NOS1: variants seen among roughly 807,000 people sequenced by gnomAD.
NOS1 encodes nitric oxide synthase 1, also known as NOS type I.
A neutral mutation model predicts 164.5 loss-of-function variants in NOS1; 51 were observed. The observed-to-expected ratio is 0.31, with a 90% CI of 0.25 to 0.39. The LOEUF is 0.39. Among genes scored for constraint, NOS1 ranks in the 10% least tolerant of loss-of-function variants. The pLI is 1.00. For missense variants in NOS1, 1,362 were observed against 1,885.6 expected (o/e 0.72, Z 5.14); for synonymous variants, 719 against 745.8 (o/e 0.96, Z 0.59).
At chr12:117,341,291 A>G (rs1876101123) in intron 1 of NOS1, among the ~76,000 whole-genome samples, 1 of 152,074 alleles carries the variant, frequency 6.6e-6, no homozygotes, top group Admixed American at 6.5e-5. Flanking sequence ...CAAAAGCAGG[A>G]TTCAGTTTGT....
At chr12:117,225,811 T>G (rs1868623147) in intron 24 of NOS1, among the ~76,000 whole-genome samples, 1 of 151,984 alleles carries the variant, frequency 6.6e-6, no homozygotes, top group Non-Finnish European at 1.5e-5. Flanking sequence ...TGTATTTTAG[T>G]AGAGATGGGG....
intron 3 of NOS1, among the ~76,000 whole-genome samples, chr12:117,308,013 A>G (rs7133096): frequency 0.014 from 2,164 of 151,826 alleles, 43 homozygotes; most frequent in African/African-American, 0.049. Flanking sequence ...TAATAATAAT[A>G]ATAATAGAGA....
chr12:117,225,146 G>C lies in NOS1; in HGVS notation c.3705-9C>G, dbSNP rs551527110. 2.5e-6 allele frequency: 4 copies of C among 1,607,670 alleles called. No homozygotes were observed. The South Asian group carries it at 4.5e-5, about 18-fold the overall frequency. On this transcript the variant is annotated splice_polypyrimidine_tract_variant and intron_variant, in intron 24 of 28. Transcript: ENST00000317775. ...GGTGGAAGCTGGGTGCTCTGGGCAA[G>C]GAAGAGGGGGTCAGAAGTCTTGCAG...
At position 117,209,499 on chromosome 12, in the gene NOS1, T is replaced by C. The variant is rs1209713288; in HGVS notation, c.*5810A>G. 2 of 985,396 alleles carry C rather than the reference T, an allele frequency of 2.0e-6. No homozygotes were observed. The highest frequency in any genetic ancestry group is 1.1e-4 in the East Asian group (1 of 8,832). 61.0% of individuals were successfully genotyped at this position (985,396 alleles called of 1,614,324 possible). ...CTAAAAGACTACAGGAAGCAGTGCATGGAGGCAGATTTGTTCCCGCCTGCC... is the reference window on the plus strand; with the variant it reads ...CTAAAAGACTACAGGAAGCAGTGCACGGAGGCAGATTTGTTCCCGCCTGCC... On this transcript the variant is annotated 3_prime_UTR_variant, in exon 29 of 29. Coordinates refer to ENST00000317775, the MANE Select transcript of NOS1 (RefSeq NM_000620.5).
chr12:117,359,611 G>A (rs1281206448), intron 1 of NOS1, among the ~76,000 whole-genome samples: 1 of 152,014 alleles, frequency 6.6e-6, no homozygotes, highest in Non-Finnish European at 1.5e-5. Flanking sequence ...CTTGCCTAGC[G>A]GCGTCCCTGG....
chr12:117,234,664 C>T lies in NOS1; in HGVS notation c.3136G>A (p.Glu1046Lys), dbSNP rs768516731. The part of the protein sequence containing the change: ...DHLGVFPGNH[E>K]DLVNALIERL... ...TCGATCAGGGCATTCACGAGGTCCT[C>T]GTGGTTGCCAGGGAAGACACCCAGG... The change falls in exon 21 of 29, where the codon GAG becomes AAG. Residue 1046 changes from glutamate to lysine, a missense_variant. Around this residue, in one of 4 missense-constraint regions of NOS1, gnomAD observed 737 missense variants for 1,030.3 expected, o/e 0.72. Coordinates refer to ENST00000317775, the MANE Select transcript of NOS1 (RefSeq NM_000620.5). This position sits in a 1 kb window ranked among gnomAD's most constrained non-coding sequence, Gnocchi z 4.3. 23 of 1,614,034 alleles carry T rather than the reference C, an allele frequency of 1.4e-5. No individual in the cohort carries two copies. Among genetic ancestry groups the T allele is most frequent in the South Asian group, 5.5e-5 (5 of 91,072 alleles).
rs41432944 is a variant in NOS1, at chr12:117,227,995, C to T, written c.3406-354G>A. Among the ~76,000 whole-genome samples, 1,295 of 151,598 alleles carry T rather than the reference C, an allele frequency of 8.5e-3. 20 individuals carry two copies. The highest frequency in any genetic ancestry group is 0.056 in the East Asian group (288 of 5,130). On this transcript the variant is annotated intron_variant, in intron 22 of 28. Coordinates refer to ENST00000317775, the MANE Select transcript of NOS1 (RefSeq NM_000620.5). ...GCCATGAGCTATGATCATGCCACTG[C>T]ACTCCAGCCTGGGTGACAGAGTGAG...
At chr12:117,253,519 T>G in intron 17 of NOS1, 119 bp downstream of exon 17, 1 of 707,550 alleles carries the variant, frequency 1.4e-6, no homozygotes, top group East Asian at 2.5e-5. Context: ...TGCAGCTGGT[T>G]TTATGAGAAA....
At position 117,209,536 on chromosome 12, in the gene NOS1, G is replaced by A. The variant is rs868097764; in HGVS notation, c.*5773C>T. On this transcript the variant is annotated 3_prime_UTR_variant, in exon 29 of 29. Transcript: ENST00000317775. Reference sequence around the variant, plus strand: ...TGTTCCCGCCTGCCAGGGCCATCTCGTTAATAACGGACTGTGTTTTGGGCC... The same window carrying A: ...TGTTCCCGCCTGCCAGGGCCATCTCATTAATAACGGACTGTGTTTTGGGCC... The A allele has an allele frequency of 5.1e-6, 5 of 985,472 alleles. No homozygotes were observed. The highest frequency in any genetic ancestry group is 1.7e-5 in the African/African-American group (1 of 57,354). 61.0% of individuals were successfully genotyped at this position (985,472 alleles called of 1,614,324 possible). A position where few individuals can be genotyped will look rare whatever the true frequency, so the allele number is the denominator to read the frequency against.
In NOS1 at chr12:117,330,151, G is replaced by T. The variant is rs1406992448; in HGVS notation, c.725+194C>A. Among the ~76,000 whole-genome samples the T allele has an allele frequency of 6.6e-6, 1 of 152,198 alleles. No individual in the cohort carries two copies. Among genetic ancestry groups the T allele is most frequent in the South Asian group, 2.1e-4 (1 of 4,832 alleles). ...ACAAGAGAAGCATCCTAGAAGCTATGCCCTGTGGCCTCTTGTGAATGTAAT... is the reference window on the plus strand; with the variant it reads ...ACAAGAGAAGCATCCTAGAAGCTATTCCCTGTGGCCTCTTGTGAATGTAAT... On this transcript the variant is annotated intron_variant, in intron 2 of 28. Transcript: ENST00000317775. The surrounding 1 kb of genome is among the most constrained non-coding windows in gnomAD (Gnocchi z 4.6).
intron 3 of NOS1, among the ~76,000 whole-genome samples, chr12:117,303,449 A>G (rs1269345978): frequency 6.6e-6 from 1 of 152,162 alleles, no homozygotes; most frequent in African/African-American, 2.4e-5. Flanking sequence ...CTTGATCCTC[A>G]GGTGGCTGAG....
intron 3 of NOS1, among the ~76,000 whole-genome samples, chr12:117,299,375 A>C (rs524945): frequency 0.37 from 55,563 of 151,772 alleles, 10,483 homozygotes; most frequent in Middle Eastern, 0.44. Flanking sequence ...GCGGTGGCTC[A>C]CGCCTGTAAT....
At chr12:117,237,937 G>A (rs1489729959) in intron 20 of NOS1, among the ~76,000 whole-genome samples, 1 of 152,134 alleles carries the variant, frequency 6.6e-6, no homozygotes, top group African/African-American at 2.4e-5. Flanking sequence ...TGTCAGACAG[G>A]ACGGTCAGGG....
intron 2 of NOS1, among the ~76,000 whole-genome samples, chr12:117,327,505 G>A (rs985150749): frequency 6.6e-6 from 1 of 152,220 alleles, no homozygotes; most frequent in African/African-American, 2.4e-5. Context: ...GGCAGTGGCA[G>A]CTCCCTGAGG....
intron 17 of NOS1, among the ~76,000 whole-genome samples, chr12:117,250,436 C>A (rs1185068603): frequency 1.3e-5 from 2 of 149,718 alleles, no homozygotes; most frequent in African/African-American, 2.5e-5. Flanking sequence ...TCAAGTAATT[C>A]TCCCGCCTCA....
chr12:117,292,651 A>G (rs1325247339), intron 3 of NOS1, among the ~76,000 whole-genome samples: 1 of 152,240 alleles, frequency 6.6e-6, no homozygotes, highest in African/African-American at 2.4e-5. Context: ...TAGAGCTAAT[A>G]AGCTGAAGAA....
chr12:117,269,765 C>A (rs1872670682), intron 10 of NOS1, among the ~76,000 whole-genome samples: 1 of 152,178 alleles, frequency 6.6e-6, no homozygotes, highest in South Asian at 2.1e-4. Context: ...TGCACCCGGC[C>A]TCTGGAGCAT....
chr12:117,244,487 C>G (rs1411426515), intron 18 of NOS1, among the ~76,000 whole-genome samples: 1 of 152,250 alleles, frequency 6.6e-6, no homozygotes, highest in Non-Finnish European at 1.5e-5. Context: ...AATTTGCCCG[C>G]CTCAGCCTCC....
chr12:117,268,287 G>A, intron 10 of NOS1, 143 bp from the exon 11 acceptor site: 1 of 640,500 alleles, frequency 1.6e-6, no homozygotes, highest in South Asian at 1.7e-5. Context: ...CTGGAGTGCA[G>A]TGGTGTGATC....
Sources: gnomAD v4.1 joint callset for allele counts (sites outside exome capture counted in the v4.1 genomes callset) on GRCh38, gnomAD v4.1.1 for gene constraint, gnomAD v4.1.1 regional missense constraint, Gnocchi (gnomAD v3.1) non-coding constraint, MANE v1.5 for transcripts, NCBI Gene and HGNC (gene_info 2026-07-23, HGNC 2026-07-21) for gene names.